The following GABRB3 variants were observed in gnomAD, a reference collection of about 807,000 sequenced individuals.
GABRB3 encodes the protein gamma-aminobutyric acid type A receptor subunit beta3.
GABRB3 carries 14 observed loss-of-function variants against 52.1 expected under a neutral mutation model. The observed-to-expected ratio is 0.27, with a 90% CI of 0.18 to 0.42. The LOEUF is 0.42. GABRB3 is among the 10% of genes least tolerant of loss of function. The pLI is 1.00. For missense variants in GABRB3, 307 were observed against 609.1 expected, an observed-to-expected ratio of 0.50 and a Z score of 5.22; for synonymous variants, 260 against 232.3, an observed-to-expected ratio of 1.12 and a Z score of -1.08.
chr15:26,737,947 T>G (rs911371794), intron 3 of GABRB3, among the ~76,000 whole-genome samples: 1 of 152,208 alleles, frequency 6.6e-6, no homozygotes. Flanking sequence ...AAAACTACAA[T>G]GGGGCACGAG....
At chr15:26,752,357 G>A (rs914462691) in intron 3 of GABRB3, among the ~76,000 whole-genome samples, 1 of 151,604 alleles carries the variant, frequency 6.6e-6, no homozygotes, top group Non-Finnish European at 1.5e-5. Flanking sequence ...TCAACCTCCT[G>A]GGTTCAAGAG....
rs1311811670 is a variant in GABRB3 at position 26,545,715 on chromosome 15, C to T, written c.*2078G>A. 6.6e-6 allele frequency: 1 copy of T among 152,434 alleles called. No individual in the cohort carries two copies. Among genetic ancestry groups the T allele is most frequent in the Non-Finnish European group, 1.5e-5 (1 of 68,014 alleles). The allele number at this position is 152,434 out of a possible 1,614,324, so 9.4% of individuals were successfully genotyped here. On this transcript the variant is annotated 3_prime_UTR_variant, in exon 9 of 9. Coordinates refer to ENST00000311550, the MANE Select transcript of GABRB3 (RefSeq NM_000814.6). ...GCCACTTAACAAGGTTTTTCCCAAT[C>T]TGTTTAACTTTTAGGATCCCCCATT... is the stretch of plus-strand genomic sequence containing the variant.
intron 3 of GABRB3, among the ~76,000 whole-genome samples, chr15:26,727,873 T>C (rs1165291818): frequency 6.6e-6 from 1 of 152,236 alleles, no homozygotes; most frequent in East Asian, 1.9e-4. Context: ...ATGAGAAACT[T>C]GCTTTTATTA....
intron 4 of GABRB3, among the ~76,000 whole-genome samples, chr15:26,607,589 C>CAAAAA (rs993903322): frequency 6.6e-6 from 1 of 150,550 alleles, no homozygotes; most frequent in Non-Finnish European, 1.5e-5. Context: ...ACTCACCAAA[C>CAAAAA]AAACAAAACA....
intron 3 of GABRB3, among the ~76,000 whole-genome samples, chr15:26,769,284 T>C (rs1891079938): frequency 1.3e-5 from 2 of 152,174 alleles, no homozygotes; most frequent in Admixed American, 1.3e-4. Flanking sequence ...CAAAAATGCA[T>C]CTATCAAAAC....
intron 3 of GABRB3, among the ~76,000 whole-genome samples, chr15:26,629,600 A>G (rs1298346511): frequency 6.6e-6 from 1 of 152,144 alleles, no homozygotes; most frequent in Non-Finnish European, 1.5e-5. Context: ...CAGGGGATGC[A>G]GAAGTGTCCT....
At chr15:26,697,200 A>C (rs1029002883) in intron 3 of GABRB3, among the ~76,000 whole-genome samples, 1 of 152,238 alleles carries the variant, frequency 6.6e-6, no homozygotes, top group Non-Finnish European at 1.5e-5. Context: ...GCACAAGATT[A>C]TGAAAAATGT....
chr15:26,700,225 C>T (rs528957069), intron 3 of GABRB3, among the ~76,000 whole-genome samples: 6 of 152,262 alleles, frequency 3.9e-5, no homozygotes, highest in Admixed American at 2.6e-4. Context: ...CAACTTTATG[C>T]TGATACATTC....
At chr15:26,692,802 G>A (rs1439642022) in intron 3 of GABRB3, among the ~76,000 whole-genome samples, 2 of 152,154 alleles carry the variant, frequency 1.3e-5, no homozygotes, top group African/African-American at 4.8e-5. Context: ...ATGTACACTA[G>A]GATGCTTTGT....
chr15:26,618,622 C>G (rs916200701), intron 4 of GABRB3, among the ~76,000 whole-genome samples: 2 of 152,152 alleles, frequency 1.3e-5, no homozygotes, highest in Non-Finnish European at 2.9e-5. Flanking sequence ...GACTTCATGT[C>G]TAAAACACCA....
chr15:26,595,851 C>G (rs1426210), intron 4 of GABRB3, among the ~76,000 whole-genome samples: 41,021 of 152,064 alleles, frequency 0.27, 7,240 homozygotes, highest in East Asian at 0.79. Context: ...AGGTCAACTT[C>G]GATTGTCCTA....
At chr15:26,762,756 A>G (rs1890854713) in intron 3 of GABRB3, among the ~76,000 whole-genome samples, 1 of 152,222 alleles carries the variant, frequency 6.6e-6, no homozygotes, top group Admixed American at 6.5e-5. Context: ...GTTTTAGTCC[A>G]TGCCACAAGG....
chr15:26,657,144 G>C (rs936088394), intron 3 of GABRB3: 4 of 152,182 alleles, frequency 2.6e-5, no homozygotes, highest in Non-Finnish European at 5.9e-5. Context: ...TTTCTTATGA[G>C]CAGATGACCT....
At chr15:26,631,704 T>C (rs986062362) in intron 3 of GABRB3, among the ~76,000 whole-genome samples, 5 of 152,218 alleles carry the variant, frequency 3.3e-5, no homozygotes, top group African/African-American at 1.2e-4. Flanking sequence ...ATTAACAAAA[T>C]TTATTTTGGA....
chr15:26,773,251 C>A (rs988966222), upstream of GABRB3, among the ~76,000 whole-genome samples: 1 of 150,032 alleles, frequency 6.7e-6, no homozygotes, highest in African/African-American at 2.4e-5. Context: ...CGGCCCGAGG[C>A]CGGGGCCCTG....
At chr15:26,629,274 C>A in intron 3 of GABRB3, 1 of 1,102,110 alleles carries the variant, frequency 9.1e-7, no homozygotes, top group Non-Finnish European at 1.2e-6. Flanking sequence ...GAGGCGTGGT[C>A]TGTGGCTCGA....
chr15:26,704,457 CCAAA>C (rs1262043599), intron 3 of GABRB3, among the ~76,000 whole-genome samples: 2 of 152,200 alleles, frequency 1.3e-5, no homozygotes, highest in Non-Finnish European at 2.9e-5. Flanking sequence ...AATCTCCTTG[CCAAA>C]CAGTCATTTG....
intron 3 of GABRB3, among the ~76,000 whole-genome samples, chr15:26,634,993 TATATATATATATATATA>T (rs1329436282): frequency 6.7e-3 from 33 of 4,958 alleles, no homozygotes; most frequent in East Asian, 0.5. Context: ...TAAATATATA[TATATATATATATATATA>T]ATATATATAT....
chr15:26,657,828 C>T (rs186747122), intron 3 of GABRB3, among the ~76,000 whole-genome samples: 179 of 152,198 alleles, frequency 1.2e-3, no homozygotes, highest in Non-Finnish European at 2.0e-3. Context: ...ATTCTTGGGC[C>T]CAGCCTAACT....
Sources: gnomAD v4.1 joint callset for allele counts (sites outside exome capture counted in the v4.1 genomes callset) on GRCh38, gnomAD v4.1.1 for gene constraint, MANE v1.5 for transcripts, NCBI Gene and HGNC (gene_info 2026-07-23, HGNC 2026-07-21) for gene names.